The following OPCML variants were observed in gnomAD, a reference collection of about 807,000 sequenced individuals.
OPCML encodes opioid binding protein/cell adhesion molecule like.
Under a neutral mutation model 37.8 loss-of-function variants are expected in OPCML, and 13 were observed. The ratio of observed to expected loss-of-function variants is 0.34; its 90% CI spans 0.22 to 0.55. The LOEUF is 0.55. OPCML is among the 20% of genes least tolerant of loss of function. The pLI, the probability that OPCML is intolerant of heterozygous loss-of-function variation, is 0.91. For synonymous variants in OPCML, 176 were observed against 168.8 expected (o/e 1.04, Z -0.33); for missense variants, 341 against 435.6 (o/e 0.78, Z 1.93).
Position 132,663,958 on chromosome 11 carries a change from G to T in OPCML, c.147-6639C>A, listed in dbSNP as rs548493940. Among the ~76,000 whole-genome samples, 6 of 152,252 alleles carry T rather than the reference G, an allele frequency of 3.9e-5. No individual in the cohort carries two copies. The East Asian group carries it at 1.2e-3, about 29-fold the overall frequency. ...CGCCATTCTCCCGCCTCAGCTTCTGGAGTAGCTGGGATTACAGGCGCCCGC... is the reference window on the plus strand; with the variant it reads ...CGCCATTCTCCCGCCTCAGCTTCTGTAGTAGCTGGGATTACAGGCGCCCGC... On this transcript the variant is annotated intron_variant, in intron 2 of 7. Transcript: ENST00000524381.
chr11:133,365,813 T>G (rs1338220415), intron 1 of OPCML: 4 of 152,218 alleles, frequency 2.6e-5, no homozygotes, highest in African/African-American at 9.6e-5. Context: ...GAGAAAAGTG[T>G]AATCCTAGCA....
chr11:133,150,776 G>T (rs1341931274), intron 1 of OPCML, among the ~76,000 whole-genome samples: 1 of 152,032 alleles, frequency 6.6e-6, no homozygotes. Context: ...TGTAGACCTG[G>T]TCATAAAAAT....
chr11:133,068,834 A>T (rs1431784728), intron 1 of OPCML, among the ~76,000 whole-genome samples: 1 of 152,164 alleles, frequency 6.6e-6, no homozygotes, highest in East Asian at 1.9e-4. Context: ...GTCAGACAAA[A>T]TGGTTAAGGG....
intron 1 of OPCML, chr11:133,422,894 T>C: frequency 1.0e-6 from 1 of 968,606 alleles, no homozygotes; most frequent in Non-Finnish European, 1.2e-6. Flanking sequence ...ATGAAGAATC[T>C]CATTTGACAT....
chr11:132,667,479 T>TACTAATGAGAATGA (rs1942273723), intron 2 of OPCML, among the ~76,000 whole-genome samples: 1 of 152,116 alleles, frequency 6.6e-6, no homozygotes, highest in Admixed American at 6.5e-5. Flanking sequence ...TAAGTATATA[T>TACTAATGAGAATGA]ACTAATGAGA....
intron 1 of OPCML, among the ~76,000 whole-genome samples, chr11:132,957,524 A>G (rs1945998129): frequency 6.6e-6 from 1 of 152,180 alleles, no homozygotes; most frequent in South Asian, 2.1e-4. Flanking sequence ...ACAAACACAC[A>G]TACATATATA....
chr11:132,679,879 GT>G (rs1326730923), intron 2 of OPCML, among the ~76,000 whole-genome samples: 2 of 152,236 alleles, frequency 1.3e-5, no homozygotes, highest in African/African-American at 4.8e-5. Flanking sequence ...ACGTGTGAGT[GT>G]GATTTGATGG....
At chr11:133,190,067 G>A (rs1331555611) in intron 1 of OPCML, among the ~76,000 whole-genome samples, 4 of 152,276 alleles carry the variant, frequency 2.6e-5, no homozygotes, top group Non-Finnish European at 5.9e-5. Context: ...AGGCAGGCAG[G>A]ATCAACAAAG....
chr11:132,888,944 A>G (rs1943533197), intron 2 of OPCML, among the ~76,000 whole-genome samples: 1 of 152,178 alleles, frequency 6.6e-6, no homozygotes, highest in Admixed American at 6.5e-5. Context: ...AGGACAAATC[A>G]GCCCTAAACT....
intron 1 of OPCML, among the ~76,000 whole-genome samples, chr11:133,062,384 C>G (rs960881114): frequency 2.0e-5 from 3 of 152,200 alleles, no homozygotes; most frequent in African/African-American, 7.2e-5. Flanking sequence ...TCTTCTCGAG[C>G]CTTTTCTGTT....
chr11:132,834,491 C>T (rs946464180), intron 2 of OPCML, among the ~76,000 whole-genome samples: 10 of 152,212 alleles, frequency 6.6e-5, no homozygotes, highest in African/African-American at 2.4e-4. Flanking sequence ...CCATGCCCCT[C>T]TGAAGCCTCT....
chr11:133,360,311 C>T (rs1944384548), intron 1 of OPCML: 1 of 152,232 alleles, frequency 6.6e-6, no homozygotes, highest in African/African-American at 2.4e-5. Flanking sequence ...TTCTAATTAT[C>T]CCTACATAAT....
chr11:133,511,667 T>C (rs1948162073), intron 1 of OPCML, among the ~76,000 whole-genome samples: 1 of 152,092 alleles, frequency 6.6e-6, no homozygotes, highest in South Asian at 2.1e-4. Flanking sequence ...TGCGACTCTC[T>C]TCCCCATAAT....
At chr11:132,582,853 T>TTG (rs2096464957) in intron 3 of OPCML, among the ~76,000 whole-genome samples, 1 of 148,166 alleles carries the variant, frequency 6.7e-6, no homozygotes, top group Non-Finnish European at 1.5e-5. Context: ...AAGGTTTTTT[T>TTG]TTTTTTTTTT....
At chr11:132,926,343 G>T (rs924132956) in intron 2 of OPCML, among the ~76,000 whole-genome samples, 4 of 152,116 alleles carry the variant, frequency 2.6e-5, no homozygotes, top group African/African-American at 9.7e-5. Flanking sequence ...GCAAGGGGAG[G>T]CTGTGGTACG....
chr11:133,484,111 ATGATAGATAGATGAT>A (rs1295569838), intron 1 of OPCML, among the ~76,000 whole-genome samples: 1 of 141,830 alleles, frequency 7.1e-6, no homozygotes, highest in Non-Finnish European at 1.5e-5. Context: ...GATTAGATAG[ATGATAGATAGATGAT>A]TGATAGATAG....
At chr11:132,609,329 T>TTAA (rs1565707917) in intron 3 of OPCML, among the ~76,000 whole-genome samples, 2 of 152,236 alleles carry the variant, frequency 1.3e-5, no homozygotes, top group African/African-American at 4.8e-5. Context: ...GTCAAAAGTC[T>TTAA]TAATGTGAAT....
intron 3 of OPCML, among the ~76,000 whole-genome samples, chr11:132,604,707 G>A (rs1207350018): frequency 2.6e-5 from 4 of 152,112 alleles, no homozygotes; most frequent in African/African-American, 9.7e-5. Context: ...ATGCAGAATC[G>A]ACTTTGTCAT....
chr11:132,440,703 C>T (rs993160197), intron 4 of OPCML, among the ~76,000 whole-genome samples: 1 of 152,204 alleles, frequency 6.6e-6, no homozygotes, highest in African/African-American at 2.4e-5. Context: ...TGCATCCTCA[C>T]CAAAACATGT....
Sources: allele counts gnomAD v4.1 joint callset (sites outside exome capture counted in the v4.1 genomes callset), GRCh38; gene constraint gnomAD v4.1.1; transcripts MANE v1.5; gene names NCBI Gene and HGNC (gene_info 2026-07-23, HGNC 2026-07-21).